Variants in PUM2 observed in about 807,000 individuals in gnomAD.
The protein encoded by PUM2 is pumilio homolog 2.
In PUM2, 57 loss-of-function variants were observed where a neutral mutation model predicts 124.5. That is an observed-to-expected ratio of 0.46 (90% confidence interval 0.37 to 0.57). PUM2 has a LOEUF of 0.57. Among genes scored for constraint, PUM2 ranks in the 20% least tolerant of loss-of-function variants. The pLI is 0.00. For missense variants in PUM2, 1,065 were observed against 1,290.6 expected, an observed-to-expected ratio of 0.83 and a Z score of 2.68; for synonymous variants, 460 against 446.1, an observed-to-expected ratio of 1.03 and a Z score of -0.39.
At chr2:20,259,755 G>A (rs571337868) in intron 15 of PUM2, among the ~76,000 whole-genome samples, 1 of 152,258 alleles carries the variant, frequency 6.6e-6, no homozygotes, top group African/African-American at 2.4e-5. Context: ...TGGTGTTCAG[G>A]TTCCTGCTTT....
chr2:20,281,226 T>C (rs979225604), intron 12 of PUM2, among the ~76,000 whole-genome samples: 1 of 152,176 alleles, frequency 6.6e-6, no homozygotes, highest in Non-Finnish European at 1.5e-5. Flanking sequence ...AATGAAGCTC[T>C]TACAGATTGG....
intron 10 of PUM2, among the ~76,000 whole-genome samples, chr2:20,285,149 G>A (rs34950658): frequency 0.14 from 20,694 of 152,160 alleles, 2,126 homozygotes; most frequent in East Asian, 0.49. Flanking sequence ...TAAATTTTGC[G>A]TATATAAATT....
chr2:20,281,674 A>G (rs1199652973), intron 12 of PUM2, among the ~76,000 whole-genome samples: 1 of 152,222 alleles, frequency 6.6e-6, no homozygotes, highest in Non-Finnish European at 1.5e-5. Flanking sequence ...CAACTCCAAA[A>G]GCAATGAAAA....
chr2:20,305,463 GAAAAAAAAAAAAA>G lies in PUM2; in HGVS notation c.883+2502_883+2514del, dbSNP rs67834545. On this transcript the variant is annotated intron_variant, in intron 7 of 20. Transcript: ENST00000361078. Reference sequence around the variant, plus strand: ...GGTGACAGAGTAAGACCCTGTCTTCGAAAAAAAAAAAAAAAAAAAAAAAAAGACGTATCTAAAA... The same window carrying G: ...GGTGACAGAGTAAGACCCTGTCTTCGAAAAAAAAAAAAGACGTATCTAAAA... 1.5e-3 allele frequency among the ~76,000 whole-genome samples: 67 copies of G among 46,162 alleles called. 2 individuals are homozygous for G. The East Asian group carries it at 0.035, about 24-fold the overall frequency. 30.3% of individuals were successfully genotyped at this position (46,162 alleles called of 152,430 possible).
intron 1 of PUM2, chr2:20,331,648 A>AG (rs1193310551): frequency 6.6e-6 from 1 of 151,994 alleles, no homozygotes; most frequent in Non-Finnish European, 1.5e-5. Context: ...AGAAAAGAAA[A>AG]GGAAAAAAAA....
chr2:20,338,072 A>G (rs1488192270), intron 1 of PUM2, among the ~76,000 whole-genome samples: 1 of 152,168 alleles, frequency 6.6e-6, no homozygotes, highest in African/African-American at 2.4e-5. Context: ...ATACCAACCA[A>G]GCATAAGCCA....
chr2:20,253,276 G>A (rs893510619), intron 20 of PUM2, among the ~76,000 whole-genome samples: 10 of 152,184 alleles, frequency 6.6e-5, no homozygotes, highest in Non-Finnish European at 1.3e-4. Context: ...CATGAACACA[G>A]CCCACTGTAG....
Position 20,254,843 on chromosome 2 carries a change from A to T in PUM2, c.2870+20T>A. The T allele has an allele frequency of 6.2e-7, 1 of 1,606,474 alleles. No homozygotes were observed. The highest frequency in any genetic ancestry group is 1.1e-5 in the South Asian group (1 of 89,354). ...TGAGTTGAAAGAATTGACCCTTAAA[A>T]TTACAAAGTATTACAATACCTGGCA... is the stretch of plus-strand genomic sequence containing the variant. On this transcript the variant is annotated intron_variant, in intron 19 of 20. Transcript: ENST00000361078.
At chr2:20,270,173 C>A (rs1286373627) in intron 13 of PUM2, among the ~76,000 whole-genome samples, 1 of 152,178 alleles carries the variant, frequency 6.6e-6, no homozygotes, top group Non-Finnish European at 1.5e-5. Context: ...CTAATAGGAA[C>A]CTGTTGGCTT....
chr2:20,323,479 T>C (rs1056567177), intron 2 of PUM2, among the ~76,000 whole-genome samples: 2 of 150,872 alleles, frequency 1.3e-5, no homozygotes, highest in African/African-American at 4.9e-5. Flanking sequence ...TGGCATATAG[T>C]ACACAGCAGA....
Position 20,287,545 on chromosome 2 carries a change from G to A in PUM2, c.1291+3107C>T, listed in dbSNP as rs1027297557. 6.6e-5 allele frequency among the ~76,000 whole-genome samples: 10 copies of A among 152,318 alleles called. No homozygotes were observed. The East Asian group carries it at 1.3e-3, about 21-fold the overall frequency. ...ATGAGCTAGGACTAGAGGCATAGAA[G>A]TGCATGGTATGTTTGGGTAACAGTA... On this transcript the variant is annotated intron_variant, in intron 10 of 20. Transcript: ENST00000361078.
At chr2:20,302,615 C>G (rs1212493825) in intron 7 of PUM2, among the ~76,000 whole-genome samples, 6 of 152,166 alleles carry the variant, frequency 3.9e-5, no homozygotes, top group Non-Finnish European at 7.3e-5. Context: ...TCAAAGTAAT[C>G]TTGTTCAATG....
In PUM2 at chr2:20,251,133, A is replaced by C. The variant is rs563536133; in HGVS notation, c.*452T>G. On this transcript the variant is annotated 3_prime_UTR_variant, in exon 21 of 21. Coordinates refer to ENST00000361078, the MANE Select transcript of PUM2 (RefSeq NM_015317.5). Reference sequence around the variant, plus strand: ...TTATAAAAGGTTTCACGCAAAGGAAAAAAATAAGGACTATAATTCTATATA... The same window carrying C: ...TTATAAAAGGTTTCACGCAAAGGAACAAAATAAGGACTATAATTCTATATA... 6.5e-6 allele frequency: 1 copy of C among 152,882 alleles called. No individual in the cohort carries two copies. The highest frequency in any genetic ancestry group is 2.1e-4 in the South Asian group (1 of 4,840). 9.5% of individuals were successfully genotyped at this position (152,882 alleles called of 1,614,324 possible). A position where few individuals can be genotyped will look rare whatever the true frequency, so the allele number is the denominator to read the frequency against.
chr2:20,308,704 G>T, intron 5 of PUM2, 120 bp from the exon 6 acceptor site: 1 of 899,572 alleles, frequency 1.1e-6, no homozygotes, highest in Non-Finnish European at 1.6e-6. Flanking sequence ...AGGCATTCTG[G>T]GTCACTATGC....
Position 20,350,595 on chromosome 2 carries a change from A to T in PUM2, c.-19+2T>A. ...AGAAAGAGCGAACGCGGACTGACTT[A>T]CAGGGCTGCTGCGGCCGCGCTGCCT... is the stretch of plus-strand genomic sequence containing the variant. On this transcript the variant is annotated splice_donor_variant, in intron 1 of 20. Coordinates refer to ENST00000361078, the MANE Select transcript of PUM2 (RefSeq NM_015317.5). LOFTEE classifies it low-confidence loss of function (5UTR_SPLICE). 1.0e-6 allele frequency: 1 copy of T among 985,436 alleles called. No homozygotes were observed. Among genetic ancestry groups the T allele is most frequent in the Non-Finnish European group, 1.2e-6 (1 of 829,994 alleles). 61.0% of individuals were successfully genotyped at this position (985,436 alleles called of 1,614,324 possible).
chr2:20,328,043 C>T (rs1684079456), intron 1 of PUM2, among the ~76,000 whole-genome samples: 1 of 152,128 alleles, frequency 6.6e-6, no homozygotes, highest in Admixed American at 6.5e-5. Flanking sequence ...CCCAACAAAA[C>T]CCAACATTTG....
chr2:20,327,319 T>A lies in PUM2; in HGVS notation c.42A>T (p.Gly14=), dbSNP rs760920653. ...ATTTGCAAACATTTACCTCTCCCAT[T>A]CCCCGAGATTCTAATGCAAGAGCTT... ...DFQALALESR[G]MGELLPTKKF... is the part of the protein sequence containing the mutation. The change falls in exon 2 of 21, where the codon GGA becomes GGT. Residue 14 remains glycine (G), a synonymous_variant. Transcript: ENST00000361078. The A allele has an allele frequency of 1.3e-6, 2 of 1,560,832 alleles. No homozygotes were observed. The highest frequency in any genetic ancestry group is 2.2e-5 in the South Asian group (2 of 89,806).
At chr2:20,255,038 T>C in intron 18 of PUM2, 54 bp from the exon 19 acceptor site, 1 of 1,562,658 alleles carries the variant, frequency 6.4e-7, no homozygotes, top group Non-Finnish European at 8.7e-7. Flanking sequence ...AAGAATGATA[T>C]TCTTTAAAGA....
chr2:20,315,491 T>C (rs1167052816), intron 3 of PUM2, among the ~76,000 whole-genome samples: 2 of 152,166 alleles, frequency 1.3e-5, no homozygotes, highest in Non-Finnish European at 2.9e-5. Context: ...TTTCTAATTT[T>C]CTCATGGTTT....
Sources: allele counts gnomAD v4.1 joint callset (sites outside exome capture counted in the v4.1 genomes callset), GRCh38; gene constraint gnomAD v4.1.1; transcripts MANE v1.5; gene names NCBI Gene and HGNC (gene_info 2026-07-23, HGNC 2026-07-21).